The following TP53BP1 variants were observed in gnomAD, a reference collection of about 807,000 sequenced individuals.
TP53BP1 encodes the protein TP53-binding protein 1.
A neutral mutation model predicts 200.8 loss-of-function variants in TP53BP1; 61 were observed. That is an observed-to-expected ratio of 0.30 (90% CI 0.25 to 0.38). TP53BP1 has a LOEUF of 0.38. Ranked by LOEUF, TP53BP1 falls within the 10% of genes least tolerant of loss-of-function variation. The pLI, the probability that TP53BP1 is intolerant of heterozygous loss-of-function variation, is 1.00. For missense variants in TP53BP1, 2,144 were observed against 2,371.9 expected, an observed-to-expected ratio of 0.90 and a Z score of 2.00; for synonymous variants, 822 against 844.3, an observed-to-expected ratio of 0.97 and a Z score of 0.46.
At chr15:43,408,500 T>C (rs1329928902) in intron 26 of TP53BP1, 1 of 270,814 alleles carries the variant, frequency 3.7e-6, no homozygotes, top group East Asian at 8.8e-5. Context: ...AGCCCTATAT[T>C]AGGGTCCCCC....
At chr15:43,411,816 A>T (rs1171717232) in intron 24 of TP53BP1, among the ~76,000 whole-genome samples, 1 of 152,234 alleles carries the variant, frequency 6.6e-6, no homozygotes, top group East Asian at 1.9e-4. Context: ...GACAGCCTGC[A>T]TCTCATACCA....
chr15:43,442,370 G>C (rs945539351), intron 14 of TP53BP1, among the ~76,000 whole-genome samples: 1 of 152,108 alleles, frequency 6.6e-6, no homozygotes, highest in Non-Finnish European at 1.5e-5. Context: ...ACAGGCAAGA[G>C]CCACTGTGCC....
intron 12 of TP53BP1, among the ~76,000 whole-genome samples, chr15:43,448,818 T>C (rs746760949): frequency 2.6e-5 from 4 of 152,122 alleles, no homozygotes; most frequent in Non-Finnish European, 5.9e-5. Context: ...AAAGTACATA[T>C]GCTCAGCTAA....
chr15:43,438,728 CAAAAA>C (rs397699362), intron 15 of TP53BP1, among the ~76,000 whole-genome samples: 9 of 21,650 alleles, frequency 4.2e-4, no homozygotes, highest in Non-Finnish European at 7.3e-4. Flanking sequence ...AAGCAAGAGG[CAAAAA>C]AAAAAAAAAA....
At position 43,414,225 on chromosome 15, in the gene TP53BP1, T is replaced by C. The variant is rs115249964; in HGVS notation, c.5090-891A>G. ...ACCAAAGTTTGAATCCTGGCTTACT[T>C]TGTCATCTTGGGAAAGTTAGCCAAC... On this transcript the variant is annotated intron_variant, in intron 23 of 27. Transcript: ENST00000382044. The C allele has an allele frequency of 1.1e-3, 437 of 415,180 alleles. 2 individuals are homozygous for C. Among genetic ancestry groups the C allele is most frequent in the African/African-American group, 4.5e-3 (217 of 47,978 alleles). The allele number at this position is 415,180 out of a possible 1,614,324, so 25.7% of individuals were successfully genotyped here. A position where few individuals can be genotyped will look rare whatever the true frequency, so the allele number is the denominator to read the frequency against.
At chr15:43,473,929 T>G (rs1317689590) in intron 10 of TP53BP1, among the ~76,000 whole-genome samples, 1 of 152,154 alleles carries the variant, frequency 6.6e-6, no homozygotes, top group Non-Finnish European at 1.5e-5. Context: ...CAGGGGGCAG[T>G]GCTCATCAGG....
At chr15:43,411,525 C>T (rs2142956458) in intron 24 of TP53BP1, among the ~76,000 whole-genome samples, 1 of 152,356 alleles carries the variant, frequency 6.6e-6, no homozygotes, top group Non-Finnish European at 1.5e-5. Context: ...TTCTTAAAAA[C>T]TATAATTCTG....
rs375864317 is a variant in TP53BP1 at position 43,500,442 on chromosome 15, C to A, written c.-8-7974G>T. ...ATGCTCAATCTTATTTCATCTATAT[C>A]CACCCACTTCCCCCAAACTGATTTC... On this transcript the variant is annotated intron_variant, in intron 1 of 27. Transcript: ENST00000263801. Among the ~76,000 whole-genome samples, 10 of 151,750 alleles carry A rather than the reference C, an allele frequency of 6.6e-5. No individual in the cohort carries two copies. In the East Asian group the frequency reaches 1.4e-3, roughly 21 times the overall value.
At chr15:43,447,106 T>C (rs1377208234) in intron 13 of TP53BP1, 1 of 467,022 alleles carries the variant, frequency 2.1e-6, no homozygotes, top group Non-Finnish European at 3.9e-6. Flanking sequence ...CAGATTCTAC[T>C]GCCTTGCAAG....
intron 10 of TP53BP1, among the ~76,000 whole-genome samples, chr15:43,474,405 C>T (rs376749757): frequency 7.5e-5 from 10 of 132,846 alleles, no homozygotes; most frequent in Non-Finnish European, 1.4e-4. Flanking sequence ...CGAGAGCGAG[C>T]GAGGGCTGTG....
intron 27 of TP53BP1, 134 bp from the exon 28 acceptor site, chr15:43,407,704 C>T (rs747199103): frequency 1.7e-5 from 15 of 879,234 alleles, no homozygotes; most frequent in Non-Finnish European, 2.2e-5. Context: ...CACACTGCTA[C>T]TGATCATGAC....
intron 11 of TP53BP1, among the ~76,000 whole-genome samples, chr15:43,464,046 A>G (rs1231620827): frequency 6.6e-6 from 1 of 152,106 alleles, no homozygotes; most frequent in African/African-American, 2.4e-5. Flanking sequence ...ACATTATGGG[A>G]CTCCCAATAA....
At position 43,492,089 on chromosome 15, in the gene TP53BP1, C is replaced by T; in HGVS notation, c.199G>A (p.Val67Met). ...THKENPVLDV[V>M]SNPEQTAGEE... ...CCAGCTGTTTGTTCAGGATTGGACA[C>T]AACATCCTAGAAAATACACATACAA... The change falls in exon 3 of 28, where the codon GTG (valine) becomes ATG (methionine). Residue 67 changes from valine to methionine, a missense_variant. Val to Met is a conservative substitution (Grantham distance 21). Coordinates refer to ENST00000382044, the MANE Select transcript of TP53BP1 (RefSeq NM_001141980.3). 6.2e-7 allele frequency: 1 copy of T among 1,611,650 alleles called. No individual in the cohort carries two copies. The highest frequency in any genetic ancestry group is 1.3e-5 in the African/African-American group (1 of 74,982).
In TP53BP1 at chr15:43,493,059, C is replaced by G. The variant is rs1230479958; in HGVS notation, c.-16G>C. On this transcript the variant is annotated 5_prime_UTR_variant, in exon 1 of 28. Coordinates refer to ENST00000382044, the MANE Select transcript of TP53BP1 (RefSeq NM_001141980.3). ...TACCAGGCATCCCGGCGGGAGGTCC[C>G]TCGCGCTCGAGCTAGAGGTCTCTGC... 6.2e-7 allele frequency: 1 copy of G among 1,613,162 alleles called. No individual in the cohort carries two copies. The highest frequency in any genetic ancestry group is 8.5e-7 in the Non-Finnish European group (1 of 1,179,700).
At chr15:43,490,212 C>T (rs1278168691) in intron 4 of TP53BP1, among the ~76,000 whole-genome samples, 3 of 152,116 alleles carry the variant, frequency 2.0e-5, no homozygotes, top group Admixed American at 2.0e-4. Context: ...GATGCAGCCT[C>T]CTGAGTGGCT....
At chr15:43,507,889 AT>A (rs970982936) in intron 1 of TP53BP1, among the ~76,000 whole-genome samples, 36 of 151,742 alleles carry the variant, frequency 2.4e-4, no homozygotes, top group Non-Finnish European at 4.4e-4. Flanking sequence ...TAATTTTTGT[AT>A]TTTTTGTAAA....
chr15:43,422,137 A>T lies in TP53BP1; in HGVS notation c.3829-11T>A. 6.2e-7 allele frequency: 1 copy of T among 1,611,598 alleles called. No individual in the cohort carries two copies. Among genetic ancestry groups the T allele is most frequent in the Non-Finnish European group, 8.5e-7 (1 of 1,179,058 alleles). On this transcript the variant is annotated splice_polypyrimidine_tract_variant and intron_variant, in intron 18 of 27. Coordinates refer to ENST00000382044, the MANE Select transcript of TP53BP1 (RefSeq NM_001141980.3). ...TGGCTCTTCAGTCTCCTGCAAGGAA[A>T]AAATAGATACAGAAGATAAAAGATG...
chr15:43,432,605 G>A lies in TP53BP1; in HGVS notation c.3264C>T (p.Ile1088=), dbSNP rs368489346. ...GCTTCATAGGCTGTTGACTCTGCCT[G>A]ATTGTATGGTCACCCTCCAATTTTT... ...EKEKLEGDHT[I]RQSQQPMKPI... Residue 1088 remains isoleucine, a synonymous_variant, in exon 17 of 28, where the codon ATC becomes ATT. Coordinates refer to ENST00000382044, the MANE Select transcript of TP53BP1 (RefSeq NM_001141980.3). 1.2e-6 allele frequency: 2 copies of A among 1,613,858 alleles called. No homozygotes were observed. Among genetic ancestry groups the A allele is most frequent in the Non-Finnish European group, 1.7e-6 (2 of 1,179,780 alleles).
chr15:43,452,856 A>G (rs2046202490), intron 12 of TP53BP1, among the ~76,000 whole-genome samples: 1 of 152,182 alleles, frequency 6.6e-6, no homozygotes, highest in South Asian at 2.1e-4. Context: ...CTATTAAAAT[A>G]ATAGAATATC....
Sources: allele counts gnomAD v4.1 joint callset (sites outside exome capture counted in the v4.1 genomes callset), GRCh38; gene constraint gnomAD v4.1.1; transcripts MANE v1.5; gene names NCBI Gene and HGNC (gene_info 2026-07-23, HGNC 2026-07-21).